Variants in MAP2K1 observed in about 807,000 individuals in gnomAD.
The protein encoded by MAP2K1 is dual specificity mitogen-activated protein kinase kinase 1.
In MAP2K1, 16 loss-of-function variants were observed where a neutral mutation model predicts 46.3. The observed-to-expected ratio is 0.35, with a 90% confidence interval of 0.23 to 0.52. MAP2K1 has a LOEUF of 0.52. MAP2K1 is among the 20% of genes least tolerant of loss of function. The probability of loss-of-function intolerance (pLI) is 0.94; values close to 1 mark genes in which losing one functional copy is unlikely to be tolerated. For synonymous variants in MAP2K1, 183 were observed against 185.6 expected (o/e 0.99, Z 0.11); for missense variants, 263 against 497.1 (o/e 0.53, Z 4.48).
At chr15:66,401,021 A>G (rs141823780) in intron 1 of MAP2K1, among the ~76,000 whole-genome samples, 3 of 152,302 alleles carry the variant, frequency 2.0e-5, no homozygotes, top group Non-Finnish European at 4.4e-5. Context: ...TCCATTGTAT[A>G]TGTTTTTGGA....
intron 1 of MAP2K1, among the ~76,000 whole-genome samples, chr15:66,411,829 C>T (rs2093411959): frequency 6.6e-6 from 1 of 152,160 alleles, no homozygotes; most frequent in Non-Finnish European, 1.5e-5. Context: ...CATTTTAAAA[C>T]ACATTCCCAC....
At chr15:66,395,206 A>T (rs144742234) in intron 1 of MAP2K1, among the ~76,000 whole-genome samples, 1 of 152,230 alleles carries the variant, frequency 6.6e-6, no homozygotes, top group Non-Finnish European at 1.5e-5. Context: ...GTATATGCCT[A>T]TGATGAAGTT....
chr15:66,396,067 C>T (rs906470377), intron 1 of MAP2K1, among the ~76,000 whole-genome samples: 6 of 152,200 alleles, frequency 3.9e-5, no homozygotes, highest in South Asian at 2.1e-4. Flanking sequence ...AGTGCAGTGG[C>T]GCGATCTCGC....
rs1468258337 is a variant in MAP2K1 at position 66,389,587 on chromosome 15, T to TC, written c.80+2160_80+2161insC. Among the ~76,000 whole-genome samples the TC allele has an allele frequency of 2.8e-4, 41 of 146,910 alleles. No homozygotes were observed. In the Admixed American group the frequency reaches 2.8e-3, roughly 10 times the overall value. On this transcript the variant is annotated intron_variant, in intron 1 of 10. Transcript: ENST00000307102. ...CTCTGTTGTGGTTTTTTTTTTTTTT[T>TC]TTTTTTTTTGACAGTCTCGCTCTGT...
chr15:66,477,084 C>T (rs1466531149), intron 5 of MAP2K1, among the ~76,000 whole-genome samples: 1 of 152,216 alleles, frequency 6.6e-6, no homozygotes, highest in Non-Finnish European at 1.5e-5. Flanking sequence ...CAGTGAAAAG[C>T]CCCTCAGAAT....
intron 1 of MAP2K1, among the ~76,000 whole-genome samples, chr15:66,428,874 G>C (rs1467200549): frequency 7.0e-6 from 1 of 143,428 alleles, no homozygotes; most frequent in Non-Finnish European, 1.5e-5. Flanking sequence ...CCGCCTCCCA[G>C]GCTCTGGTAA....
intron 1 of MAP2K1, among the ~76,000 whole-genome samples, chr15:66,400,758 A>G (rs1369897846): frequency 6.6e-6 from 1 of 152,172 alleles, no homozygotes; most frequent in Non-Finnish European, 1.5e-5. Flanking sequence ...GCCAAAAGCT[A>G]AAAGTGCTGA....
chr15:66,464,433 G>A (rs977434899), intron 5 of MAP2K1, among the ~76,000 whole-genome samples: 2 of 152,140 alleles, frequency 1.3e-5, no homozygotes, highest in African/African-American at 2.4e-5. Flanking sequence ...GTCTAGCTTC[G>A]GTTCACAGGG....
chr15:66,455,489 A>G (rs1892143456), intron 5 of MAP2K1, among the ~76,000 whole-genome samples: 1 of 152,204 alleles, frequency 6.6e-6, no homozygotes, highest in South Asian at 2.1e-4. Flanking sequence ...GGAATTTTTA[A>G]ATGAGAAGAA....
chr15:66,398,690 C>A (rs1270325637), intron 1 of MAP2K1, among the ~76,000 whole-genome samples: 1 of 151,540 alleles, frequency 6.6e-6, no homozygotes, highest in Non-Finnish European at 1.5e-5. Context: ...GCATGAATCC[C>A]AATTGTGTAC....
At chr15:66,487,785 C>T (rs1213288139) in intron 8 of MAP2K1, among the ~76,000 whole-genome samples, 6 of 151,764 alleles carry the variant, frequency 4.0e-5, no homozygotes, top group Admixed American at 3.3e-4. Context: ...TTGTAGGAGT[C>T]AGAAAAAAAG....
chr15:66,392,963 C>G (rs2093360154), intron 1 of MAP2K1, among the ~76,000 whole-genome samples: 1 of 152,174 alleles, frequency 6.6e-6, no homozygotes, highest in African/African-American at 2.4e-5. Flanking sequence ...TTGCCTGCCA[C>G]ATTTTACTTA....
chr15:66,453,584 TGA>T (rs1281156666), intron 5 of MAP2K1: 7 of 702,086 alleles, frequency 1.0e-5, no homozygotes, highest in African/African-American at 5.2e-5. Flanking sequence ...CAGGTGAAAA[TGA>T]GAGAGAGCAG....
chr15:66,400,298 A>G (rs1414864794), intron 1 of MAP2K1, among the ~76,000 whole-genome samples: 4 of 152,192 alleles, frequency 2.6e-5, no homozygotes, highest in African/African-American at 9.6e-5. Context: ...TGCTGGGATT[A>G]CAGGTGTCAG....
intron 1 of MAP2K1, 113 bp from the exon 2 acceptor site, chr15:66,434,914 C>CT: frequency 1.2e-6 from 1 of 817,782 alleles, no homozygotes; most frequent in Non-Finnish European, 2.2e-6. Flanking sequence ...TAGCCTCCCA[C>CT]TTTGATTATC....
rs751155864 is a variant in MAP2K1, at chr15:66,443,262, T to C, written c.439-18T>C. The C allele has an allele frequency of 3.3e-6, 5 of 1,503,952 alleles. No individual in the cohort carries two copies. The Admixed American group carries it at 6.7e-5, about 20-fold the overall frequency. 93.2% of individuals were successfully genotyped at this position (1,503,952 alleles called of 1,614,324 possible). ...GTTAGAACATTGTCACTAACTGGTC[T>C]GGTATTCTCGATCTTAGGATGGAGG... On this transcript the variant is annotated intron_variant, in intron 3 of 10. Transcript: ENST00000307102.
At chr15:66,449,026 A>AAAC (rs1567014209) in intron 5 of MAP2K1, among the ~76,000 whole-genome samples, 69 of 149,586 alleles carry the variant, frequency 4.6e-4, no homozygotes, top group African/African-American at 4.6e-4. Context: ...AAAAAAAAAA[A>AAAC]AACAACAACA....
chr15:66,425,383 A>G (rs1321348051), intron 1 of MAP2K1, among the ~76,000 whole-genome samples: 2 of 149,678 alleles, frequency 1.3e-5, no homozygotes, highest in Non-Finnish European at 3.0e-5. Flanking sequence ...ATTTAGCAGA[A>G]TTTTTTTTTT....
intron 1 of MAP2K1, among the ~76,000 whole-genome samples, chr15:66,392,841 C>A (rs2093359872): frequency 1.3e-5 from 2 of 152,162 alleles, no homozygotes; most frequent in African/African-American, 4.8e-5. Context: ...GCGTGAGCCA[C>A]CATGCCTGGC....
Sources: allele counts gnomAD v4.1 joint callset (sites outside exome capture counted in the v4.1 genomes callset), GRCh38; gene constraint gnomAD v4.1.1; transcripts MANE v1.5; gene names NCBI Gene and HGNC (gene_info 2026-07-23, HGNC 2026-07-21).